Variants in ADCY9 observed in about 807,000 individuals in gnomAD.
The protein encoded by ADCY9 is adenylate cyclase 9, also known as adenylate cyclase type 9.
A neutral mutation model predicts 101.5 loss-of-function variants in ADCY9; 50 were observed. The ratio of observed to expected loss-of-function variants is 0.49; its 90% CI spans 0.39 to 0.62. The LOEUF (loss-of-function observed/expected upper bound fraction) is 0.62, where lower values mean the gene tolerates loss of function less well. ADCY9 is among the 20% of genes least tolerant of loss of function. The pLI, the probability that ADCY9 is intolerant of heterozygous loss-of-function variation, is 0.00. For missense variants in ADCY9, 1,662 were observed against 1,800.4 expected, an observed-to-expected ratio of 0.92 and a Z score of 1.39; for synonymous variants, 905 against 769.3, an observed-to-expected ratio of 1.18 and a Z score of -2.92.
Position 4,010,145 on chromosome 16 carries a change from G to A in ADCY9, c.1694-2587C>T, listed in dbSNP as rs1030223314. 9.2e-5 allele frequency among the ~76,000 whole-genome samples: 14 copies of A among 152,216 alleles called. 1 individual carries two copies. Among genetic ancestry groups the A allele is most frequent in the African/African-American group, 3.4e-4 (14 of 41,452 alleles). On this transcript the variant is annotated intron_variant, in intron 2 of 10. Transcript: ENST00000294016. ...TTGGCTCAGGGTGCCCCTGCCTGAG[G>A]CTACGGCTCCCCATGCACAAGGGCT...
At chr16:3,990,960 C>T (rs1168072868) in intron 5 of ADCY9, among the ~76,000 whole-genome samples, 2 of 152,154 alleles carry the variant, frequency 1.3e-5, no homozygotes, top group Non-Finnish European at 2.9e-5. Context: ...CCACCACGCC[C>T]AGCTAATTTT....
At chr16:3,980,639 C>G (rs1387573761) in intron 7 of ADCY9, among the ~76,000 whole-genome samples, 1 of 152,248 alleles carries the variant, frequency 6.6e-6, no homozygotes, top group Non-Finnish European at 1.5e-5. Context: ...GGAACGCTCA[C>G]TCTCCAGCCA....
chr16:4,103,347 C>T (rs2057055970), intron 2 of ADCY9, among the ~76,000 whole-genome samples: 1 of 152,218 alleles, frequency 6.6e-6, no homozygotes, highest in African/African-American at 2.4e-5. Context: ...ACTATTTGCA[C>T]AATGACACTA....
At position 3,993,645 on chromosome 16, in the gene ADCY9, G is replaced by A. The variant is rs1255802662; in HGVS notation, c.1885-135C>T. 15 of 1,110,086 alleles carry A rather than the reference G, an allele frequency of 1.4e-5. 1 individual carries two copies. The highest frequency in any genetic ancestry group is 4.4e-5 in the South Asian group (3 of 68,462). The allele number at this position is 1,110,086 out of a possible 1,614,324, so 68.8% of individuals were successfully genotyped here. On this transcript the variant is annotated intron_variant, in intron 3 of 10. Coordinates refer to ENST00000294016, the MANE Select transcript of ADCY9 (RefSeq NM_001116.4). The stretch of plus-strand genomic sequence containing the variant: ...AAGGGGAAGGCACACAGAACCGCTC[G>A]GGGATGAGCTGAAAGCCAACGGGCA...
chr16:3,981,057 G>C (rs1364574083), intron 7 of ADCY9, among the ~76,000 whole-genome samples: 1 of 152,212 alleles, frequency 6.6e-6, no homozygotes, highest in African/African-American at 2.4e-5. Flanking sequence ...TCAACCTGGG[G>C]TCCTCAACAC....
chr16:4,102,419 T>G (rs918412842), intron 2 of ADCY9, among the ~76,000 whole-genome samples: 1 of 152,080 alleles, frequency 6.6e-6, no homozygotes, highest in African/African-American at 2.4e-5. Context: ...TGATGGTTGT[T>G]TCTTTGTTTG....
At chr16:4,020,879 C>A (rs2056471802) in intron 2 of ADCY9, among the ~76,000 whole-genome samples, 1 of 150,694 alleles carries the variant, frequency 6.6e-6, no homozygotes, top group Non-Finnish European at 1.5e-5. Context: ...AACAAAATAG[C>A]AGATAATGTT....
chr16:4,095,292 C>T (rs879553245), intron 2 of ADCY9, among the ~76,000 whole-genome samples: 4 of 152,118 alleles, frequency 2.6e-5, no homozygotes, highest in Non-Finnish European at 5.9e-5. Context: ...TGAGCCACCG[C>T]GCCCAGCCCT....
chr16:4,101,943 A>G (rs945120359), intron 2 of ADCY9, among the ~76,000 whole-genome samples: 2 of 152,168 alleles, frequency 1.3e-5, no homozygotes, highest in Admixed American at 1.3e-4. Flanking sequence ...CGGCAGCTAG[A>G]GTTTAACCAG....
At chr16:4,052,541 A>T (rs2056708587) in intron 2 of ADCY9, among the ~76,000 whole-genome samples, 1 of 152,182 alleles carries the variant, frequency 6.6e-6, no homozygotes, top group Non-Finnish European at 1.5e-5. Flanking sequence ...GGAATTCTTT[A>T]TACTGTTTGG....
chr16:4,037,966 C>T (rs769220552), intron 2 of ADCY9, among the ~76,000 whole-genome samples: 3 of 152,122 alleles, frequency 2.0e-5, no homozygotes, highest in Non-Finnish European at 2.9e-5. Context: ...AACTTCATCA[C>T]GAAGGGATGG....
chr16:4,020,079 A>C (rs371511459), intron 2 of ADCY9, among the ~76,000 whole-genome samples: 1,825 of 151,942 alleles, frequency 0.012, 41 homozygotes, highest in African/African-American at 0.04. Flanking sequence ...TCCATCTCAA[A>C]AAAAGAAAAA....
At chr16:4,086,048 T>G (rs1465197923) in intron 2 of ADCY9, among the ~76,000 whole-genome samples, 1 of 151,656 alleles carries the variant, frequency 6.6e-6, no homozygotes, top group Non-Finnish European at 1.5e-5. Flanking sequence ...CCAGCCCTGG[T>G]CAGCGTACTC....
chr16:3,985,486 G>A (rs1231184685), intron 6 of ADCY9, among the ~76,000 whole-genome samples: 19 of 152,220 alleles, frequency 1.2e-4, no homozygotes, highest in Non-Finnish European at 1.8e-4. Flanking sequence ...CACCTTGGCA[G>A]AGGCCCACGC....
At chr16:3,954,908 T>A (rs1035276060) in intron 5 of ADCY9, among the ~76,000 whole-genome samples, 2 of 152,152 alleles carry the variant, frequency 1.3e-5, no homozygotes. Flanking sequence ...CACGCCTACA[T>A]GTCATGCCAC....
At chr16:4,061,060 T>A (rs990822962) in intron 2 of ADCY9, among the ~76,000 whole-genome samples, 7 of 150,982 alleles carry the variant, frequency 4.6e-5, no homozygotes, top group Non-Finnish European at 1.0e-4. Context: ...AATTCTAGAG[T>A]TCAAAAGTAT....
chr16:3,997,000 G>A (rs966922050), intron 3 of ADCY9, among the ~76,000 whole-genome samples: 3 of 152,022 alleles, frequency 2.0e-5, no homozygotes, highest in African/African-American at 7.3e-5. Context: ...GAGTAGCTGG[G>A]ATTACAGGCG....
At chr16:4,090,760 A>G (rs1234911846) in intron 2 of ADCY9, among the ~76,000 whole-genome samples, 1 of 151,382 alleles carries the variant, frequency 6.6e-6, no homozygotes, top group Admixed American at 6.6e-5. Flanking sequence ...AGCTTGCCCT[A>G]GATACCAACT....
At chr16:3,984,704 T>C (rs1411300023) in intron 6 of ADCY9, among the ~76,000 whole-genome samples, 4 of 152,190 alleles carry the variant, frequency 2.6e-5, no homozygotes, top group Non-Finnish European at 5.9e-5. Context: ...GGAAGGGATG[T>C]AGCCAGTTCA....
Sources: gnomAD v4.1 joint callset for allele counts (sites outside exome capture counted in the v4.1 genomes callset) on GRCh38, gnomAD v4.1.1 for gene constraint, MANE v1.5 for transcripts, NCBI Gene and HGNC (gene_info 2026-07-23, HGNC 2026-07-21) for gene names.